SLU7: variants seen among roughly 807,000 people sequenced by gnomAD.
SLU7 encodes the protein pre-mRNA-splicing factor SLU7.
A neutral mutation model predicts 87.0 loss-of-function variants in SLU7; 60 were observed. The observed-to-expected ratio is 0.69, with a 90% CI of 0.56 to 0.86. SLU7 has a LOEUF of 0.86. Among genes scored for constraint, SLU7 ranks in the 40% least tolerant of loss-of-function variants. The probability of loss-of-function intolerance (pLI) is 0.00; values close to 1 mark genes in which losing one functional copy is unlikely to be tolerated. For synonymous variants in SLU7, 197 were observed against 222.0 expected (o/e 0.89, Z 1.00); for missense variants, 507 against 686.6 (o/e 0.74, Z 2.92).
Position 160,414,466 on chromosome 5 carries a change from G to T in SLU7, c.177C>A (p.Ile59=). The part of the protein sequence containing the change: ...PAEVDEEGKD[I]NPHIPQYISS... ...AAATATACTGAGGAATATGGGGGTT[G>T]ATGTCTCTGTAATTAAAGTAAAAAA... The change falls in exon 3 of 16, where the codon ATC becomes ATA. Residue 59 remains isoleucine, a synonymous_variant. Coordinates refer to ENST00000297151, the MANE Select transcript of SLU7 (RefSeq NM_006425.5). The T allele has an allele frequency of 6.5e-7, 1 of 1,530,700 alleles. No individual in the cohort carries two copies. Among genetic ancestry groups the T allele is most frequent in the Non-Finnish European group, 8.8e-7 (1 of 1,140,282 alleles). 94.8% of individuals were successfully genotyped at this position (1,530,700 alleles called of 1,614,324 possible). A position where few individuals can be genotyped will look rare whatever the true frequency, so the allele number is the denominator to read the frequency against.
chr5:160,412,540 A>AAAAAAAG, intron 5 of SLU7, 21 bp from the exon 6 acceptor site: 1 of 1,412,496 alleles, frequency 7.1e-7, no homozygotes, highest in Non-Finnish European at 9.5e-7. Context: ...AAAAAAAAGA[A>AAAAAAAG]AGAAAGAAAG....
intron 15 of SLU7, 32 bp downstream of exon 15, chr5:160,404,408 G>C (rs1486125902): frequency 7.8e-7 from 1 of 1,286,804 alleles, no homozygotes; most frequent in East Asian, 2.3e-5. Flanking sequence ...ACTGCTACTT[G>C]TCACTTTTAC....
chr5:160,410,843 A>G (rs1765199607), intron 6 of SLU7, among the ~76,000 whole-genome samples: 1 of 151,906 alleles, frequency 6.6e-6, no homozygotes, highest in Non-Finnish European at 1.5e-5. Context: ...CAGACATACT[A>G]AACTGCAGCT....
Position 160,402,667 on chromosome 5 carries a change from GAGAA to G in SLU7, c.*614_*617del, listed in dbSNP as rs1764829193. 1 of 152,078 alleles carries G rather than the reference GAGAA, an allele frequency of 6.6e-6. No homozygotes were observed. The highest frequency in any genetic ancestry group is 2.4e-5 in the African/African-American group (1 of 41,402). The allele number at this position is 152,078 out of a possible 1,614,324, so 9.4% of individuals were successfully genotyped here. ...TAAAGTTTGAAGCTTAATAAATACA[GAGAA>G]AGAGACATTCTTAATAGGTAGAGAG... On this transcript the variant is annotated 3_prime_UTR_variant, in exon 16 of 16. Transcript: ENST00000297151.
rs1038813968 is a variant in SLU7, at chr5:160,407,326, C to G, written c.1125+150G>C. 6.0e-6 allele frequency: 3 copies of G among 500,116 alleles called. No individual in the cohort carries two copies. Among genetic ancestry groups the G allele is most frequent in the East Asian group, 6.9e-5 (2 of 28,802 alleles). 31.0% of individuals were successfully genotyped at this position (500,116 alleles called of 1,614,324 possible). A position where few individuals can be genotyped will look rare whatever the true frequency, so the allele number is the denominator to read the frequency against. On this transcript the variant is annotated intron_variant, in intron 11 of 15. Transcript: ENST00000297151. The surrounding 1 kb of genome is among the most constrained non-coding windows in gnomAD (Gnocchi z 4.2). ...TGCTGCAAAAGCTCATACAAAATTA[C>G]CATCTGACTAAGAGAAAGGAAGAAA...
intron 2 of SLU7, 131 bp downstream of exon 2, chr5:160,414,994 T>C (rs1765391677): frequency 1.4e-6 from 1 of 724,072 alleles, no homozygotes; most frequent in Non-Finnish European, 2.2e-6. Flanking sequence ...TGCATATGAG[T>C]TTGATAAAAT....
chr5:160,403,433 T>C lies in SLU7; in HGVS notation c.1613A>G (p.His538Arg). 1 of 1,611,498 alleles carries C rather than the reference T, an allele frequency of 6.2e-7. No individual in the cohort carries two copies. Among genetic ancestry groups the C allele is most frequent in the Non-Finnish European group, 8.5e-7 (1 of 1,178,978 alleles). Residue 538 changes from histidine (H) to arginine (R), a missense_variant, in exon 16 of 16, where the codon CAT (histidine) becomes CGT (arginine). Around this residue, in one of 6 missense-constraint regions of SLU7, gnomAD observed 201 missense variants for 213.4 expected, o/e 0.94. Coordinates refer to ENST00000297151, the MANE Select transcript of SLU7 (RefSeq NM_006425.5). ...ATCAATCTGCATGGTCTCCTTGACA[T>C]GAAGAAGGCGGGCCTCCTCTGCGTT... ...ALNAEEARLL[H>R]VKETMQIDER...
intron 1 of SLU7, among the ~76,000 whole-genome samples, chr5:160,415,708 C>T (rs1028667430): frequency 7.2e-5 from 11 of 152,150 alleles, no homozygotes; most frequent in African/African-American, 2.7e-4. Flanking sequence ...ATTTCCTCAC[C>T]TTCTATTTTC....
intron 2 of SLU7, among the ~76,000 whole-genome samples, 190 bp from the exon 3 acceptor site, chr5:160,414,662 G>A (rs571264076): frequency 8.5e-5 from 13 of 152,176 alleles, no homozygotes; most frequent in African/African-American, 3.1e-4. Context: ...TTATTTTAGA[G>A]TGAAAATATT....
In SLU7 at chr5:160,403,034, TA is replaced by T. The variant is rs998546480; in HGVS notation, c.*250del. 7.4e-5 allele frequency: 20 copies of T among 270,360 alleles called. No homozygotes were observed. Among genetic ancestry groups the T allele is most frequent in the Middle Eastern group, 1.0e-3 (1 of 964 alleles). 16.7% of individuals were successfully genotyped at this position (270,360 alleles called of 1,614,324 possible). On this transcript the variant is annotated 3_prime_UTR_variant, in exon 16 of 16. Coordinates refer to ENST00000297151, the MANE Select transcript of SLU7 (RefSeq NM_006425.5). ...CGTCTCAAAAAAAAAAATAAATAAA[TA>T]AAAAAAACTGGAAATAAAATCTTAA...
rs375266343 is a variant in SLU7 at position 160,405,012 on chromosome 5, A to G, written c.1392+19T>C. 6.3e-7 allele frequency: 1 copy of G among 1,589,284 alleles called. No individual in the cohort carries two copies. The highest frequency in any genetic ancestry group is 8.6e-7 in the Non-Finnish European group (1 of 1,157,858). On this transcript the variant is annotated intron_variant, in intron 13 of 15. Transcript: ENST00000297151. Reference sequence around the variant, plus strand: ...CTTCGGTTGTTTTATACCTTTAAGAACCAAAGACAATTACTTACAACAATC... The same window carrying G: ...CTTCGGTTGTTTTATACCTTTAAGAGCCAAAGACAATTACTTACAACAATC...
At chr5:160,408,210 T>C (rs1765085121) in intron 8 of SLU7, 119 bp downstream of exon 8, 2 of 1,269,448 alleles carry the variant, frequency 1.6e-6, no homozygotes, top group Non-Finnish European at 2.2e-6. Flanking sequence ...AAAAACAGAA[T>C]GAAACCTTAT....
rs1194358631 is a variant in SLU7, at chr5:160,405,127, C to G, written c.1296G>C (p.Trp432Cys). ...DVKIHNHTHI[W>C]GSYWKEGRWG... ...ATCGGCCTTCTTTCCAGTACGATCC[C>G]CAGATATGCTGCAGAGAGAGAAATT... The change falls in exon 13 of 16, where the codon TGG (tryptophan) becomes TGC (cysteine). Residue 432 changes from tryptophan (W) to cysteine (C), a missense_variant. Physicochemically the swap from Trp to Cys is radical, Grantham distance 215 (BLOSUM62 -2). Coordinates refer to ENST00000297151, the MANE Select transcript of SLU7 (RefSeq NM_006425.5). 6.2e-7 allele frequency: 1 copy of G among 1,609,068 alleles called. No individual in the cohort carries two copies.
chr5:160,410,560 A>G (rs1765187669), intron 6 of SLU7, among the ~76,000 whole-genome samples: 1 of 152,130 alleles, frequency 6.6e-6, no homozygotes, highest in African/African-American at 2.4e-5. Context: ...CTAAAACTTA[A>G]AGTATATAAA....
In SLU7 at chr5:160,415,452, C is replaced by T. The variant is rs1461600701; in HGVS notation, c.-16-142G>A. On this transcript the variant is annotated intron_variant, in intron 1 of 15. Coordinates refer to ENST00000297151, the MANE Select transcript of SLU7 (RefSeq NM_006425.5). ...ATGTGTAAGGAAGGGTCTCTTCCCC[C>T]TCCTCAAGGTCTCTACATACTGTTA... The T allele has an allele frequency of 7.8e-6, 4 of 513,900 alleles. No individual in the cohort carries two copies. The African/African-American group carries it at 7.9e-5, about 10-fold the overall frequency. 31.8% of individuals were successfully genotyped at this position (513,900 alleles called of 1,614,324 possible).
intron 1 of SLU7, among the ~76,000 whole-genome samples, chr5:160,416,728 T>C (rs192003848): frequency 6.6e-6 from 1 of 152,358 alleles, no homozygotes; most frequent in Admixed American, 6.5e-5. Flanking sequence ...GTTATTACTT[T>C]TTCCTACTTA....
chr5:160,414,234 T>G, intron 3 of SLU7, 85 bp downstream of exon 3: 1 of 1,074,716 alleles, frequency 9.3e-7, no homozygotes, highest in Non-Finnish European at 1.3e-6. Context: ...CTGTTTCTAC[T>G]TTAAATAGTA....
intron 4 of SLU7, 127 bp downstream of exon 4, chr5:160,413,772 T>A (rs950878272): frequency 4.2e-6 from 4 of 943,500 alleles, no homozygotes; most frequent in East Asian, 5.3e-5. Context: ...CCAATTCCAC[T>A]GAAACTAATT....
intron 1 of SLU7, among the ~76,000 whole-genome samples, chr5:160,415,714 T>C (rs1765423901): frequency 6.6e-6 from 1 of 152,152 alleles, no homozygotes; most frequent in African/African-American, 2.4e-5. Context: ...TCACCTTCTA[T>C]TTTCATCCTC....
Sources: allele counts gnomAD v4.1 joint callset (sites outside exome capture counted in the v4.1 genomes callset), GRCh38; gene constraint gnomAD v4.1.1; regional missense constraint gnomAD v4.1.1; non-coding constraint Gnocchi (gnomAD v3.1); transcripts MANE v1.5; gene names NCBI Gene and HGNC (gene_info 2026-07-23, HGNC 2026-07-21).